RCOR2: variants seen among roughly 807,000 people sequenced by gnomAD.
RCOR2 encodes REST corepressor 2.
In RCOR2, 19 loss-of-function variants were observed where a neutral mutation model predicts 58.9. The ratio of observed to expected loss-of-function variants is 0.32; its 90% CI spans 0.23 to 0.47. The LOEUF (loss-of-function observed/expected upper bound fraction) is 0.47. Ranked by LOEUF, RCOR2 falls within the 20% of genes least tolerant of loss-of-function variation. RCOR2 has a pLI of 1.00. For synonymous variants in RCOR2, 286 were observed against 278.7 expected, an observed-to-expected ratio of 1.03 and a Z score of -0.26; for missense variants, 590 against 707.9, an observed-to-expected ratio of 0.83 and a Z score of 1.89.
chr11:63,914,547 G>A lies in RCOR2; in HGVS notation c.481-6C>T. 3.1e-6 allele frequency: 5 copies of A among 1,613,598 alleles called. No homozygotes were observed. Among genetic ancestry groups the A allele is most frequent in the Non-Finnish European group, 4.2e-6 (5 of 1,180,002 alleles). On this transcript the variant is annotated splice_polypyrimidine_tract_variant and splice_region_variant and intron_variant, in intron 5 of 11. Coordinates refer to ENST00000301459, the MANE Select transcript of RCOR2 (RefSeq NM_173587.4). ...GGAATCAACTTGTCAGGCAGCTGGA[G>A]GAGGCAACGCCAGAAGCTGGGGACC... is the stretch of plus-strand genomic sequence containing the variant.
chr11:63,915,359 T>C, intron 2 of RCOR2, 101 bp from the exon 3 acceptor site: 2 of 1,218,616 alleles, frequency 1.6e-6, no homozygotes, highest in African/African-American at 1.5e-5. Flanking sequence ...GCCAGGGAGG[T>C]TGAGGCCCAG....
intron 8 of RCOR2, 121 bp downstream of exon 8, chr11:63,913,833 G>C (rs984387213): frequency 1.1e-6 from 1 of 938,496 alleles, no homozygotes; most frequent in Admixed American, 1.8e-5. Context: ...ATTACTCAGA[G>C]TCCCAGAGGA....
chr11:63,911,925 G>A lies in RCOR2; in HGVS notation c.1512C>T (p.Gly504=). 6.2e-6 allele frequency: 5 copies of A among 804,404 alleles called. No individual in the cohort carries two copies. The highest frequency in any genetic ancestry group is 9.3e-6 in the Non-Finnish European group (5 of 539,726). The allele number at this position is 804,404 out of a possible 1,614,324, so 49.8% of individuals were successfully genotyped here. Reference sequence around the variant, plus strand: ...CAATCAGGGTGGGTGGGGGCTGAGGGCCAGGGCGGGCGCTGTGGCGGGGGG... The same window carrying A: ...CAATCAGGGTGGGTGGGGGCTGAGGACCAGGGCGGGCGCTGTGGCGGGGGG... ...LAAPRHSARP[G]PQPPPTLIGT... is the part of the protein sequence containing the mutation. Residue 504 remains glycine, a synonymous_variant, in exon 12 of 12, where the codon GGC becomes GGT. Coordinates refer to ENST00000301459, the MANE Select transcript of RCOR2 (RefSeq NM_173587.4).
At chr11:63,927,320 G>C in the RCOR2 span, among the ~76,000 whole-genome samples, 1 of 152,046 alleles carries the variant, frequency 6.6e-6, no homozygotes, top group African/African-American at 2.4e-5. Flanking sequence ...ACCCAGGCTG[G>C]AGTGCAGTGG....
At chr11:63,913,162 T>TATATATATA (rs1491119458) in intron 8 of RCOR2, among the ~76,000 whole-genome samples, 1 of 68,226 alleles carries the variant, frequency 1.5e-5, no homozygotes, top group African/African-American at 4.8e-5. Context: ...TTTTTATTTT[T>TATATATATA]TATATATATA....
chr11:63,921,339 GTCC>G (rs1412660826), upstream of RCOR2, among the ~76,000 whole-genome samples: 3 of 152,178 alleles, frequency 2.0e-5, no homozygotes, highest in Non-Finnish European at 4.4e-5. Context: ...GGGAACAAAT[GTCC>G]TCCCAGAGAG....
Position 63,916,584 on chromosome 11 carries a change from G to T in RCOR2, c.-128C>A. Reference sequence around the variant, plus strand: ...CCACTGAGGTTAGGAGAGGCAGGAGGTCAGCGTGGCTAGGGTCCGGCGGGG... The same window carrying T: ...CCACTGAGGTTAGGAGAGGCAGGAGTTCAGCGTGGCTAGGGTCCGGCGGGG... On this transcript the variant is annotated 5_prime_UTR_variant, in exon 1 of 12. Transcript: ENST00000301459. 1 of 1,418,902 alleles carries T rather than the reference G, an allele frequency of 7.0e-7. No individual in the cohort carries two copies. Among genetic ancestry groups the T allele is most frequent in the Non-Finnish European group, 9.2e-7 (1 of 1,084,726 alleles). The allele number at this position is 1,418,902 out of a possible 1,614,324, so 87.9% of individuals were successfully genotyped here.
chr11:63,914,289 T>G lies in RCOR2; in HGVS notation c.647A>C (p.Glu216Ala). ...TCTCTTGGGATCTGCAGGATCGGGC[T>G]CTCCCTCACTCACGCCTCCTCGACC... ...EEGRGGVSEG[E>A]PDPADPKREP... is the part of the protein sequence containing the mutation. Residue 216 changes from glutamate (E) to alanine (A), a missense_variant, in exon 7 of 12, where the codon GAG becomes GCG. Physicochemically the swap from Glu to Ala is moderately radical, Grantham distance 107 (BLOSUM62 -1). Coordinates refer to ENST00000301459, the MANE Select transcript of RCOR2 (RefSeq NM_173587.4). The G allele has an allele frequency of 1.2e-6, 2 of 1,613,388 alleles. No homozygotes were observed. The highest frequency in any genetic ancestry group is 1.7e-4 in the Middle Eastern group (1 of 6,060).
Position 63,912,747 on chromosome 11 carries a change from A to C in RCOR2, c.970-14T>G, listed in dbSNP as rs565985600. On this transcript the variant is annotated splice_polypyrimidine_tract_variant and intron_variant, in intron 9 of 11. Coordinates refer to ENST00000301459, the MANE Select transcript of RCOR2 (RefSeq NM_173587.4). ...CTTGGTGTTGGCCTGGAAAGCAAGGAACAACATATCCTTTAGACTCAAAAC... is the reference window on the plus strand; with the variant it reads ...CTTGGTGTTGGCCTGGAAAGCAAGGCACAACATATCCTTTAGACTCAAAAC... 5.5e-5 allele frequency: 88 copies of C among 1,613,856 alleles called. No individual in the cohort carries two copies. The South Asian group carries it at 7.2e-4, about 13-fold the overall frequency.
At chr11:63,919,422 C>T (rs1393556156), upstream of RCOR2, among the ~76,000 whole-genome samples, 1 of 152,210 alleles carries the variant, frequency 6.6e-6, no homozygotes, top group Non-Finnish European at 1.5e-5. Context: ...GACAGCACCC[C>T]CTCCCTGCCG....
At chr11:63,913,757 C>G (rs1941814205) in intron 8 of RCOR2, among the ~76,000 whole-genome samples, 197 bp downstream of exon 8, 2 of 152,200 alleles carry the variant, frequency 1.3e-5, no homozygotes, top group African/African-American at 4.8e-5. Context: ...GCCTGGATTA[C>G]AGGCGTGAGC....
At chr11:63,927,170 C>T in the RCOR2 span, among the ~76,000 whole-genome samples, 3 of 152,106 alleles carry the variant, frequency 2.0e-5, no homozygotes, top group East Asian at 1.9e-4. Context: ...ACTTACCTTT[C>T]GAAATGAAGC....
intron 8 of RCOR2, among the ~76,000 whole-genome samples, chr11:63,913,182 A>G (rs60196892): frequency 2.4e-5 from 2 of 81,698 alleles, no homozygotes; most frequent in Admixed American, 1.2e-4. Context: ...ATATATATAT[A>G]TATTTTTTTT....
Position 63,915,347 on chromosome 11 carries a change from G to C in RCOR2, c.185-89C>G, listed in dbSNP as rs1173050044. ...ATGGCCAGAGGGCAGCAGAGGAGTG[G>C]AGCCAGGGAGGTTGAGGCCCAGAAG... On this transcript the variant is annotated intron_variant, in intron 2 of 11. Transcript: ENST00000301459. The C allele has an allele frequency of 1.0e-5, 13 of 1,284,564 alleles. No individual in the cohort carries two copies. In the Admixed American group the frequency reaches 2.4e-4, roughly 24 times the overall value. The allele number at this position is 1,284,564 out of a possible 1,614,324, so 79.6% of individuals were successfully genotyped here. A position where few individuals can be genotyped will look rare whatever the true frequency, so the allele number is the denominator to read the frequency against.
the RCOR2 span, among the ~76,000 whole-genome samples, chr11:63,927,086 C>A: frequency 0.017 from 2,513 of 152,090 alleles, 73 homozygotes; most frequent in African/African-American, 0.057. Context: ...CGTGATCCAC[C>A]CACCTTGGCC....
rs760803120 is a variant in RCOR2 at position 63,912,678 on chromosome 11, T to G, written c.1025A>C (p.Gln342Pro). 6.2e-7 allele frequency: 1 copy of G among 1,614,096 alleles called. No homozygotes were observed. The highest frequency in any genetic ancestry group is 8.5e-7 in the Non-Finnish European group (1 of 1,179,978). Residue 342 changes from glutamine to proline, a missense_variant and splice_region_variant, in exon 10 of 12, where the codon CAA becomes CCA. Physicochemically the swap from Gln to Pro is moderately conservative, Grantham distance 76. Transcript: ENST00000301459. Reference protein sequence around the residue: ...WTTDEQLLAVQAIRRYGKDFG... With the variant: ...WTTDEQLLAVPAIRRYGKDFG... ...CTTCTCACCACAGTTTAACCCACCT[T>G]GAACAGCCAAAAGCTGCTCATCTGT...
Position 63,916,479 on chromosome 11 carries a change from G to A in RCOR2, c.-23C>T, listed in dbSNP as rs781438607. On this transcript the variant is annotated 5_prime_UTR_variant, in exon 1 of 12. Transcript: ENST00000301459. ...CATTACCCCGCCCAGCTGCCCCGGG[G>A]GGCGCAGGAGCCTTCGGAGAGCGAC... is the stretch of plus-strand genomic sequence containing the variant. The A allele has an allele frequency of 6.9e-6, 11 of 1,599,210 alleles. No homozygotes were observed. Among genetic ancestry groups the A allele is most frequent in the Non-Finnish European group, 9.4e-6 (11 of 1,174,272 alleles).
At position 63,916,433 on chromosome 11, in the gene RCOR2, C is replaced by A. The variant is rs1468921839; in HGVS notation, c.24G>T (p.Pro8=). Residue 8 remains proline, a synonymous_variant, in exon 1 of 12, where the codon CCG becomes CCT. Coordinates refer to ENST00000301459, the MANE Select transcript of RCOR2 (RefSeq NM_173587.4). Reference sequence around the variant, plus strand: ...GGGACAGGATCCCAGAGCCCGCGCTCGGCTTCTCCATCACTGAGGGCATTA... The same window carrying A: ...GGGACAGGATCCCAGAGCCCGCGCTAGGCTTCTCCATCACTGAGGGCATTA... The part of the protein sequence containing the change: MPSVMEK[P]SAGSGILSRS... 1 of 1,607,688 alleles carries A rather than the reference C, an allele frequency of 6.2e-7. No homozygotes were observed. Among genetic ancestry groups the A allele is most frequent in the Admixed American group, 1.7e-5 (1 of 59,506 alleles).
rs981144715 is a variant in RCOR2, at chr11:63,916,763, C to T, written c.-307G>A. The stretch of plus-strand genomic sequence containing the variant: ...ATGTACGCCCCTCAGGGTTGGGGTT[C>T]CCCTGAAGTCGGGGCCCCCTGTCCT... On this transcript the variant is annotated 5_prime_UTR_variant, in exon 1 of 12. Coordinates refer to ENST00000301459, the MANE Select transcript of RCOR2 (RefSeq NM_173587.4). The T allele has an allele frequency of 3.3e-6, 1 of 303,472 alleles. No individual in the cohort carries two copies. Among genetic ancestry groups the T allele is most frequent in the Non-Finnish European group, 6.1e-6 (1 of 164,136 alleles). The allele number at this position is 303,472 out of a possible 1,614,324, so 18.8% of individuals were successfully genotyped here. A position where few individuals can be genotyped will look rare whatever the true frequency, so the allele number is the denominator to read the frequency against.
Sources: gnomAD v4.1 joint callset for allele counts (sites outside exome capture counted in the v4.1 genomes callset) on GRCh38, gnomAD v4.1.1 for gene constraint, MANE v1.5 for transcripts, NCBI Gene and HGNC (gene_info 2026-07-23, HGNC 2026-07-21) for gene names.